The following PPFIBP2 variants were observed in gnomAD, a reference collection of about 807,000 sequenced individuals.
The protein encoded by PPFIBP2 is PPFIB scaffold protein 2, also known as liprin-beta-2.
PPFIBP2 carries 118 observed loss-of-function variants against 118.3 expected under a neutral mutation model. The ratio of observed to expected loss-of-function variants is 1.00; its 90% CI spans 0.86 to 1.16. The LOEUF (loss-of-function observed/expected upper bound fraction) is 1.16, where lower values mean the gene tolerates loss of function less well. Ranked by LOEUF, PPFIBP2 falls within the 50% of genes most tolerant of loss-of-function variation. PPFIBP2 has a pLI of 0.00. For synonymous variants in PPFIBP2, 414 were observed against 397.4 expected (o/e 1.04, Z -0.50); for missense variants, 1,195 against 1,073.1 (o/e 1.11, Z -1.59).
At chr11:7,665,388 T>C in the PPFIBP2 span, 7 of 1,576,628 alleles carry the variant, frequency 4.4e-6, no homozygotes, top group African/African-American at 8.2e-5. Context: ...TAGGTGAAAA[T>C]CATGTCCTGG....
At chr11:7,638,779 A>T (rs1851756750) in intron 14 of PPFIBP2, among the ~76,000 whole-genome samples, 1 of 152,176 alleles carries the variant, frequency 6.6e-6, no homozygotes, top group African/African-American at 2.4e-5. Flanking sequence ...TTGCAGATTA[A>T]GAGAGGCCAT....
intron 6 of PPFIBP2, chr11:7,617,388 G>T: frequency 1.2e-6 from 1 of 802,636 alleles, no homozygotes; most frequent in Non-Finnish European, 1.5e-6. Flanking sequence ...ACAGAGTGCA[G>T]TGGCTTGGCA....
chr11:7,632,829 G>T, intron 11 of PPFIBP2, 38 bp from the exon 12 acceptor site: 1 of 1,554,058 alleles, frequency 6.4e-7, no homozygotes, highest in South Asian at 1.1e-5. Flanking sequence ...TCCCCAAACA[G>T]ACTGTCCTCT....
intron 2 of PPFIBP2, among the ~76,000 whole-genome samples, chr11:7,550,181 T>C (rs959823608): frequency 1.3e-5 from 2 of 152,352 alleles, no homozygotes; most frequent in Non-Finnish European, 2.9e-5. Flanking sequence ...AAGCCTATAT[T>C]GATTAGACCA....
At chr11:7,594,892 G>A (rs1392948175) in intron 4 of PPFIBP2, among the ~76,000 whole-genome samples, 2 of 147,988 alleles carry the variant, frequency 1.4e-5, no homozygotes, top group Admixed American at 1.3e-4. Flanking sequence ...GCTCCAGCCT[G>A]GGCAACAGAG....
intron 1 of PPFIBP2, among the ~76,000 whole-genome samples, chr11:7,544,401 T>A (rs1590182123): frequency 6.6e-6 from 1 of 152,168 alleles, no homozygotes; most frequent in Non-Finnish European, 1.5e-5. Flanking sequence ...ACAGTCCCCA[T>A]GGCACATTGT....
chr11:7,524,129 C>CGT (rs138037955), intron 1 of PPFIBP2, among the ~76,000 whole-genome samples: 14,783 of 150,782 alleles, frequency 0.098, 773 homozygotes, highest in Admixed American at 0.17. Flanking sequence ...TGTGTCTGTG[C>CGT]GTGTGTGTGT....
intron 1 of PPFIBP2, among the ~76,000 whole-genome samples, chr11:7,531,485 A>G (rs1230952404): frequency 6.6e-6 from 1 of 152,222 alleles, no homozygotes; most frequent in Admixed American, 6.5e-5. Context: ...TACAAAGAAT[A>G]CAGATAAAGG....
intron 5 of PPFIBP2, among the ~76,000 whole-genome samples, chr11:7,606,796 C>T (rs71474916): frequency 7.0e-6 from 1 of 143,432 alleles, no homozygotes; most frequent in Non-Finnish European, 1.5e-5. Flanking sequence ...AGAGTAGACT[C>T]TTAGCTTTCA....
At chr11:7,655,359 A>C, downstream of PPFIBP2, 1 of 1,159,056 alleles carries the variant, frequency 8.6e-7, no homozygotes, top group Non-Finnish European at 1.1e-6. Flanking sequence ...TGAGCACGAC[A>C]GGACTTGCAT....
intron 2 of PPFIBP2, among the ~76,000 whole-genome samples, chr11:7,562,972 T>C (rs1353735383): frequency 0.011 from 995 of 92,612 alleles, 37 homozygotes; most frequent in African/African-American, 0.038. Flanking sequence ...TATATATATA[T>C]ATATACACGC....
chr11:7,614,473 A>G (rs1397329291), intron 6 of PPFIBP2, among the ~76,000 whole-genome samples: 1 of 152,184 alleles, frequency 6.6e-6, no homozygotes, highest in African/African-American at 2.4e-5. Flanking sequence ...ATGTCTGCAT[A>G]TTGTTCTACC....
rs749448960 is a variant in PPFIBP2, at chr11:7,653,676, C to T, written c.*458C>T. ...GGATGAGCAACAGGGACTTCTGCCA[C>T]AGTGACAATGGAATTGTGTTGTGCC... On this transcript the variant is annotated 3_prime_UTR_variant, in exon 24 of 24. Coordinates refer to ENST00000299492, the MANE Select transcript of PPFIBP2 (RefSeq NM_003621.5). The T allele has an allele frequency of 5.4e-6, 7 of 1,289,428 alleles. No individual in the cohort carries two copies. The South Asian group carries it at 7.4e-5, about 14-fold the overall frequency. The allele number at this position is 1,289,428 out of a possible 1,614,324, so 79.9% of individuals were successfully genotyped here. A position where few individuals can be genotyped will look rare whatever the true frequency, so the allele number is the denominator to read the frequency against.
chr11:7,612,978 T>C (rs2135515735), intron 6 of PPFIBP2, among the ~76,000 whole-genome samples: 1 of 152,358 alleles, frequency 6.6e-6, no homozygotes. Flanking sequence ...CCAGAGGTTG[T>C]AATTGCATGA....
chr11:7,536,484 AG>A (rs1255238112), intron 1 of PPFIBP2, among the ~76,000 whole-genome samples: 26 of 152,002 alleles, frequency 1.7e-4, no homozygotes, highest in Admixed American at 1.7e-3. Flanking sequence ...AATAATTGAG[AG>A]GTTGGATCTC....
chr11:7,639,242 C>A (rs1027443865), intron 14 of PPFIBP2, among the ~76,000 whole-genome samples: 1 of 152,170 alleles, frequency 6.6e-6, no homozygotes, highest in Non-Finnish European at 1.5e-5. Context: ...GAAAGCAAAT[C>A]TGGGGGAAAC....
At chr11:7,606,080 G>C in intron 5 of PPFIBP2, 1 of 1,482,518 alleles carries the variant, frequency 6.7e-7, no homozygotes, top group Non-Finnish European at 9.0e-7. Context: ...CTTCGGTTTG[G>C]GGAGAATGTG....
intron 1 of PPFIBP2, among the ~76,000 whole-genome samples, chr11:7,546,583 C>T (rs1852352040): frequency 6.6e-6 from 1 of 152,226 alleles, no homozygotes; most frequent in African/African-American, 2.4e-5. Flanking sequence ...GCCCCTGATG[C>T]TGTGGGTGTG....
chr11:7,650,406 C>T lies in PPFIBP2; in HGVS notation c.2122-434C>T, dbSNP rs7126150. ...GTGCATTTTTAAGACCACAGTGCTA[C>T]GTGAGAGCACTTAGGAATAAGTACC... On this transcript the variant is annotated intron_variant, in intron 21 of 23. Transcript: ENST00000299492. Among the ~76,000 whole-genome samples the T allele has an allele frequency of 8.3e-3, 1,264 of 152,284 alleles. 19 individuals are homozygous for T. The highest frequency in any genetic ancestry group is 0.028 in the African/African-American group (1,183 of 41,554).
Sources: gnomAD v4.1 joint callset for allele counts (sites outside exome capture counted in the v4.1 genomes callset) on GRCh38, gnomAD v4.1.1 for gene constraint, MANE v1.5 for transcripts, NCBI Gene and HGNC (gene_info 2026-07-23, HGNC 2026-07-21) for gene names.